NEDD9: variants seen among roughly 807,000 people sequenced by gnomAD.
NEDD9 encodes the protein enhancer of filamentation 1.
Under a neutral mutation model 76.6 loss-of-function variants are expected in NEDD9, and 26 were observed. The ratio of observed to expected loss-of-function variants is 0.34; its 90% CI spans 0.25 to 0.47. NEDD9 has a LOEUF of 0.47. Ranked by LOEUF, NEDD9 falls within the 20% of genes least tolerant of loss-of-function variation. NEDD9 has a pLI of 1.00. For synonymous variants in NEDD9, 392 were observed against 414.2 expected (o/e 0.95, Z 0.65); for missense variants, 937 against 1,058.5 (o/e 0.89, Z 1.59).
intron 3 of NEDD9, among the ~76,000 whole-genome samples, chr6:11,288,811 T>C (rs927003159): frequency 2.0e-5 from 3 of 152,260 alleles, no homozygotes; most frequent in Non-Finnish European, 4.4e-5. Flanking sequence ...TTCATCTTCC[T>C]CATTACTATA....
rs921979115 is a variant in NEDD9 at position 11,337,562 on chromosome 6, G to A, written c.-213-3001C>T. 3.3e-5 allele frequency among the ~76,000 whole-genome samples: 5 copies of A among 152,180 alleles called. No homozygotes were observed. In the South Asian group the frequency reaches 6.2e-4, roughly 19 times the overall value. Reference sequence around the variant, plus strand: ...TTCATCATAGTCTTGCGGGACCACGGTCCTATATACGGTCTGTTGTTGACT... The same window carrying A: ...TTCATCATAGTCTTGCGGGACCACGATCCTATATACGGTCTGTTGTTGACT... On this transcript the variant is annotated intron_variant, in intron 1 of 3. Transcript: ENST00000397378.
chr6:11,327,036 T>C (rs761756608), intron 2 of NEDD9, among the ~76,000 whole-genome samples: 2 of 152,198 alleles, frequency 1.3e-5, no homozygotes, highest in Non-Finnish European at 2.9e-5. Context: ...TTAATCAAAC[T>C]GGATTTCTTT....
At chr6:11,305,472 T>G in intron 3 of NEDD9, 1 of 209,652 alleles carries the variant, frequency 4.8e-6, no homozygotes, top group Middle Eastern at 2.1e-3. Context: ...TTTCTTCTAC[T>G]GAATTTTCAT....
chr6:11,190,994 C>G lies in NEDD9; in HGVS notation c.875G>C (p.Arg292Pro). 6.2e-7 allele frequency: 1 copy of G among 1,613,854 alleles called. No homozygotes were observed. The highest frequency in any genetic ancestry group is 8.5e-7 in the Non-Finnish European group (1 of 1,179,988). Reference protein sequence around the residue: ...DIPGAAEPVARRHQSLSPNHP... With the variant: ...DIPGAAEPVAPRHQSLSPNHP... ...ATTCGGGGACAGGCTCTGGTGCCTT[C>G]GAGCCACCGGTTCTGCAGCTCCTGG... The change falls in exon 5 of 7, where the codon CGA becomes CCA. Residue 292 changes from arginine to proline, a missense_variant. Coordinates refer to ENST00000379446, the MANE Select transcript of NEDD9 (RefSeq NM_006403.4). The surrounding 1 kb of genome is among the most constrained non-coding windows in gnomAD (Gnocchi z 5.8).
Position 11,190,405 on chromosome 6 carries a change from C to G in NEDD9, c.1464G>C (p.Glu488Asp). The G allele has an allele frequency of 6.2e-7, 1 of 1,614,212 alleles. No individual in the cohort carries two copies. The highest frequency in any genetic ancestry group is 8.5e-7 in the Non-Finnish European group (1 of 1,180,042). ...ELILHNKMKR[E>D]LQRVEDSHQI... Reference sequence around the variant, plus strand: ...GGTGGGAGTCTTCAACTCGTTGCAGCTCCCGCTTCATCTTGTTGTGGAGGA... The same window carrying G: ...GGTGGGAGTCTTCAACTCGTTGCAGGTCCCGCTTCATCTTGTTGTGGAGGA... Residue 488 changes from glutamate to aspartate, a missense_variant, in exon 5 of 7, where the codon GAG (glutamate) becomes GAC (aspartate). Coordinates refer to ENST00000379446, the MANE Select transcript of NEDD9 (RefSeq NM_006403.4). This position sits in a 1 kb window ranked among gnomAD's most constrained non-coding sequence, Gnocchi z 5.8.
intron 1 of NEDD9, among the ~76,000 whole-genome samples, chr6:11,355,933 G>A (rs1360076123): frequency 1.3e-5 from 2 of 152,134 alleles, no homozygotes; most frequent in Non-Finnish European, 2.9e-5. Context: ...GTGTTAGCCA[G>A]GATGGTCTCG....
At chr6:11,253,440 A>G (rs1759947725) in intron 3 of NEDD9, among the ~76,000 whole-genome samples, 1 of 152,188 alleles carries the variant, frequency 6.6e-6, no homozygotes, top group Non-Finnish European at 1.5e-5. Flanking sequence ...GAAAAGTCAT[A>G]CATCTCCAGG....
intron 1 of NEDD9, among the ~76,000 whole-genome samples, chr6:11,362,648 G>A (rs765947110): frequency 8.9e-4 from 136 of 152,306 alleles, no homozygotes; most frequent in Non-Finnish European, 1.5e-3. Context: ...TTGTGTAGGT[G>A]TCAAAATCTG....
chr6:11,309,100 G>T (rs1303107379), intron 2 of NEDD9, among the ~76,000 whole-genome samples: 3 of 152,082 alleles, frequency 2.0e-5, no homozygotes, highest in Admixed American at 1.3e-4. Flanking sequence ...ATGTCACTTG[G>T]CACTCCTATA....
chr6:11,197,760 C>T (rs1261257544), intron 2 of NEDD9, among the ~76,000 whole-genome samples: 1 of 152,190 alleles, frequency 6.6e-6, no homozygotes, highest in Non-Finnish European at 1.5e-5. Context: ...TTGATCCACA[C>T]TGTTTTGAGT....
intron 6 of NEDD9, among the ~76,000 whole-genome samples, chr6:11,187,620 A>T (rs1758011962): frequency 6.6e-6 from 1 of 152,242 alleles, no homozygotes; most frequent in Non-Finnish European, 1.5e-5. Flanking sequence ...TGGGAATCTG[A>T]TGAACAAGAG....
chr6:11,231,776 T>C (rs1439836177), intron 1 of NEDD9, among the ~76,000 whole-genome samples: 1 of 152,056 alleles, frequency 6.6e-6, no homozygotes, highest in East Asian at 1.9e-4. Context: ...CCACAAACAA[T>C]GGTGTAAAAT....
At chr6:11,319,344 CACAT>C (rs1418458143) in intron 2 of NEDD9, among the ~76,000 whole-genome samples, 2 of 151,326 alleles carry the variant, frequency 1.3e-5, no homozygotes, top group East Asian at 3.9e-4. Flanking sequence ...CCCACACACT[CACAT>C]GCACACTCAC....
intron 1 of NEDD9, among the ~76,000 whole-genome samples, chr6:11,348,205 C>A (rs1762399168): frequency 6.6e-6 from 1 of 152,134 alleles, no homozygotes; most frequent in Non-Finnish European, 1.5e-5. Context: ...AATAAAATAC[C>A]TAGGAAACAG....
At chr6:11,359,645 G>T (rs1243629002) in intron 1 of NEDD9, among the ~76,000 whole-genome samples, 1 of 152,198 alleles carries the variant, frequency 6.6e-6, no homozygotes, top group Non-Finnish European at 1.5e-5. Flanking sequence ...CTCCTCAAGG[G>T]CTGCTTCCGC....
chr6:11,300,124 G>C (rs1761008589), intron 3 of NEDD9, among the ~76,000 whole-genome samples: 2 of 152,184 alleles, frequency 1.3e-5, no homozygotes, highest in African/African-American at 4.8e-5. Flanking sequence ...AAAAAGATTA[G>C]ATGAATGGCT....
At chr6:11,239,388 C>G (rs1468699180) in intron 3 of NEDD9, among the ~76,000 whole-genome samples, 1 of 152,142 alleles carries the variant, frequency 6.6e-6, no homozygotes, top group Admixed American at 6.5e-5. Context: ...TTTGTCCTCT[C>G]AAAGCCTGTG....
intron 1 of NEDD9, among the ~76,000 whole-genome samples, chr6:11,220,094 C>G (rs1403802635): frequency 6.6e-6 from 1 of 152,164 alleles, no homozygotes; most frequent in Non-Finnish European, 1.5e-5. Flanking sequence ...ACACTTTTCA[C>G]TAGGTGAGCT....
intron 3 of NEDD9, among the ~76,000 whole-genome samples, chr6:11,251,895 A>G (rs768405052): frequency 2.0e-5 from 3 of 151,836 alleles, no homozygotes; most frequent in Non-Finnish European, 4.4e-5. Context: ...AATGCTGGGG[A>G]TTCTGTGCTG....
Sources: gnomAD v4.1 joint callset for allele counts (sites outside exome capture counted in the v4.1 genomes callset) on GRCh38, gnomAD v4.1.1 for gene constraint, Gnocchi (gnomAD v3.1) non-coding constraint, MANE v1.5 for transcripts, NCBI Gene and HGNC (gene_info 2026-07-23, HGNC 2026-07-21) for gene names.